KCNT1: variants seen among roughly 807,000 people sequenced by gnomAD.
KCNT1 encodes the protein potassium sodium-activated channel subfamily T member 1, also known as potassium channel subfamily T member 1.
Under a neutral mutation model 147.8 loss-of-function variants are expected in KCNT1, and 78 were observed. That is an observed-to-expected ratio of 0.53 (90% CI 0.44 to 0.64). The LOEUF (loss-of-function observed/expected upper bound fraction) is 0.64. KCNT1 is among the 30% of genes least tolerant of loss of function. The pLI is 0.00. For synonymous variants in KCNT1, 867 were observed against 748.8 expected, an observed-to-expected ratio of 1.16 and a Z score of -2.58; for missense variants, 1,419 against 1,750.3, an observed-to-expected ratio of 0.81 and a Z score of 3.38.
At chr9:135,779,800 C>G (rs1833476054) in intron 24 of KCNT1, among the ~76,000 whole-genome samples, 1 of 152,264 alleles carries the variant, frequency 6.6e-6, no homozygotes, top group East Asian at 1.9e-4. Context: ...TTGGTCAGAA[C>G]TCCCGTGGGG....
At chr9:135,750,594 C>G in intron 3 of KCNT1, 2 of 464,324 alleles carry the variant, frequency 4.3e-6, no homozygotes, top group East Asian at 7.8e-5. Context: ...ATGCTCCCCC[C>G]GGGATTGCAG....
At chr9:135,721,496 C>T (rs1044833606) in intron 2 of KCNT1, among the ~76,000 whole-genome samples, 2 of 152,228 alleles carry the variant, frequency 1.3e-5, no homozygotes, top group Admixed American at 6.5e-5. Context: ...TTGGCCAGGC[C>T]GGTGGGGCCC....
rs1835639736 is a variant in KCNT1 at position 135,714,539 on chromosome 9, C to T, written c.111-38C>T. On this transcript the variant is annotated intron_variant, in intron 1 of 30. Coordinates refer to ENST00000371757, the MANE Select transcript of KCNT1 (RefSeq NM_020822.3). The surrounding 1 kb of genome is among the most constrained non-coding windows in gnomAD (Gnocchi z 6.2). Reference sequence around the variant, plus strand: ...GGGGCTGCGCGCGTCCGCGAGGGCGCCCGACGCGGGCTGAGGGGCGCTGGC... The same window carrying T: ...GGGGCTGCGCGCGTCCGCGAGGGCGTCCGACGCGGGCTGAGGGGCGCTGGC... The T allele has an allele frequency of 9.6e-7, 1 of 1,045,776 alleles. No individual in the cohort carries two copies. The highest frequency in any genetic ancestry group is 1.1e-6 in the Non-Finnish European group (1 of 869,652). The allele number at this position is 1,045,776 out of a possible 1,614,324, so 64.8% of individuals were successfully genotyped here.
rs190981559 is a variant in KCNT1 at position 135,769,862 on chromosome 9, G to A, written c.1511-85G>A. Reference sequence around the variant, plus strand: ...TGCCAGGCAAGGGTGCATCTGCATAGCACCTTCAGGAAGTGAGCAGGTACT... The same window carrying A: ...TGCCAGGCAAGGGTGCATCTGCATAACACCTTCAGGAAGTGAGCAGGTACT... On this transcript the variant is annotated intron_variant, in intron 15 of 30. Coordinates refer to ENST00000371757, the MANE Select transcript of KCNT1 (RefSeq NM_020822.3). 5 of 982,506 alleles carry A rather than the reference G, an allele frequency of 5.1e-6. No individual in the cohort carries two copies. The East Asian group carries it at 7.9e-5, about 15-fold the overall frequency. 60.9% of individuals were successfully genotyped at this position (982,506 alleles called of 1,614,324 possible).
chr9:135,759,292 C>T (rs1013371542), intron 10 of KCNT1, among the ~76,000 whole-genome samples: 1 of 152,200 alleles, frequency 6.6e-6, no homozygotes, highest in African/African-American at 2.4e-5. Context: ...GGCCAGACCC[C>T]AGGCCCACCC....
chr9:135,768,137 C>T lies in KCNT1; in HGVS notation c.1338-473C>T, dbSNP rs532545797. On this transcript the variant is annotated intron_variant, in intron 13 of 30. Coordinates refer to ENST00000371757, the MANE Select transcript of KCNT1 (RefSeq NM_020822.3). ...GACAGGTGTGGCTCCTGTGCCTTCT[C>T]GAGTGTCGGAGCTTGGAGTCTCCTA... Among the ~76,000 whole-genome samples, 50 of 147,520 alleles carry T rather than the reference C, an allele frequency of 3.4e-4. No individual in the cohort carries two copies. In the South Asian group the frequency reaches 4.4e-3, roughly 13 times the overall value.
Position 135,792,196 on chromosome 9 carries a change from G to A in KCNT1, c.*35G>A, listed in dbSNP as rs373218006. The A allele has an allele frequency of 1.3e-4, 199 of 1,590,812 alleles. No homozygotes were observed. Among genetic ancestry groups the A allele is most frequent in the Non-Finnish European group, 1.6e-4 (183 of 1,172,218 alleles). On this transcript the variant is annotated 3_prime_UTR_variant, in exon 31 of 31. Transcript: ENST00000371757. ...GCACGGAGCTCAGGCCACCAAGCCCGGGGTCCTCAGGAAGGACGTGGAGGA... is the reference window on the plus strand; with the variant it reads ...GCACGGAGCTCAGGCCACCAAGCCCAGGGTCCTCAGGAAGGACGTGGAGGA...
chr9:135,771,194 C>A, intron 18 of KCNT1, 99 bp downstream of exon 18: 1 of 1,139,028 alleles, frequency 8.8e-7, no homozygotes, highest in Non-Finnish European at 1.3e-6. Context: ...GGAGACCAGG[C>A]AGGACAGGGG....
intron 29 of KCNT1, 105 bp from the exon 30 acceptor site, chr9:135,791,692 C>T (rs919033462): frequency 1.1e-5 from 11 of 975,864 alleles, no homozygotes; most frequent in Middle Eastern, 2.2e-4. Flanking sequence ...TCAGGAAGGC[C>T]GGAAAGACTC....
At chr9:135,747,626 G>T in intron 2 of KCNT1, among the ~76,000 whole-genome samples, 1 of 152,178 alleles carries the variant, frequency 6.6e-6, no homozygotes, top group East Asian at 1.9e-4. Flanking sequence ...CCCAGCCAGG[G>T]CTCCAGGCAC....
intron 13 of KCNT1, 192 bp from the exon 14 acceptor site, chr9:135,768,418 C>G (rs1161689348): frequency 2.0e-6 from 1 of 499,106 alleles, no homozygotes; most frequent in African/African-American, 2.4e-5. Context: ...GAGTAGGGGC[C>G]TCCTCCCGCC....
intron 19 of KCNT1, among the ~76,000 whole-genome samples, chr9:135,774,754 A>G (rs149081959): frequency 1.3e-3 from 195 of 152,132 alleles, no homozygotes; most frequent in Admixed American, 3.3e-3. Flanking sequence ...GGGTGTGTCC[A>G]TTTCCGTGTG....
At chr9:135,703,254 C>G (rs866540762) in intron 1 of KCNT1, 1 of 152,358 alleles carries the variant, frequency 6.6e-6, no homozygotes, top group Non-Finnish European at 1.5e-5. Context: ...AGAGCCCTTT[C>G]TTCTGGATCC....
chr9:135,729,321 GT>G (rs1322860781), intron 2 of KCNT1, among the ~76,000 whole-genome samples: 2 of 152,246 alleles, frequency 1.3e-5, no homozygotes, highest in Non-Finnish European at 2.9e-5. Context: ...AAGGAAGGAG[GT>G]GGCCCTGGGG....
chr9:135,776,665 C>T lies in KCNT1; in HGVS notation c.2350-673C>T, dbSNP rs185618838. ...CTTCCCCATGTGTGTGTGTCCTTCA[C>T]GGACCACAGGCTCCCAGCATATTCT... is the stretch of plus-strand genomic sequence containing the variant. On this transcript the variant is annotated intron_variant, in intron 20 of 30. Transcript: ENST00000371757. 4.6e-4 allele frequency among the ~76,000 whole-genome samples: 70 copies of T among 152,348 alleles called. 1 individual carries two copies. In the East Asian group the frequency reaches 8.3e-3, roughly 18 times the overall value.
intron 20 of KCNT1, among the ~76,000 whole-genome samples, chr9:135,776,425 T>TTTTA (rs548565414): frequency 6.6e-6 from 1 of 151,970 alleles, no homozygotes; most frequent in Non-Finnish European, 1.5e-5. Flanking sequence ...ACCTGGCTAA[T>TTTTA]TTTATTTATT....
intron 1 of KCNT1, among the ~76,000 whole-genome samples, chr9:135,707,997 C>T (rs1835325509): frequency 6.6e-6 from 1 of 152,358 alleles, no homozygotes; most frequent in South Asian, 2.1e-4. Context: ...GCCCAGCTGC[C>T]TGGGCATCTC....
At chr9:135,709,567 A>G (rs1008147666) in intron 1 of KCNT1, among the ~76,000 whole-genome samples, 11 of 152,208 alleles carry the variant, frequency 7.2e-5, no homozygotes, top group Admixed American at 2.0e-4. Context: ...ACAGCCGATC[A>G]CTGGCGCAGG....
intron 19 of KCNT1, among the ~76,000 whole-genome samples, chr9:135,774,173 C>CGTGTGTGTGATGTGTGTCT (rs1192069129): frequency 7.0e-6 from 1 of 142,598 alleles, no homozygotes; most frequent in South Asian, 2.3e-4. Context: ...GGTATGTGTC[C>CGTGTGTGTGATGTGTGTCT]GTGTGTGTGA....
Sources: gnomAD v4.1 joint callset for allele counts (sites outside exome capture counted in the v4.1 genomes callset) on GRCh38, gnomAD v4.1.1 for gene constraint, Gnocchi (gnomAD v3.1) non-coding constraint, MANE v1.5 for transcripts, NCBI Gene and HGNC (gene_info 2026-07-23, HGNC 2026-07-21) for gene names.